Variants in NAALADL2 observed in about 807,000 individuals in gnomAD.
NAALADL2 encodes the protein inactive N-acetylated-alpha-linked acidic dipeptidase-like protein 2.
A neutral mutation model predicts 87.2 loss-of-function variants in NAALADL2; 76 were observed. The observed-to-expected ratio is 0.87, with a 90% CI of 0.72 to 1.05. NAALADL2 has a LOEUF of 1.05. Among genes scored for constraint, NAALADL2 ranks in the 50% least tolerant of loss-of-function variants. The probability of loss-of-function intolerance (pLI) is 0.00; values close to 1 mark genes in which losing one functional copy is unlikely to be tolerated. For synonymous variants in NAALADL2, 354 were observed against 331.0 expected (o/e 1.07, Z -0.75); for missense variants, 1,089 against 945.8 (o/e 1.15, Z -1.99).
intron 13 of NAALADL2, among the ~76,000 whole-genome samples, chr3:175,794,390 A>T (rs1753200897): frequency 6.6e-6 from 1 of 152,226 alleles, no homozygotes; most frequent in South Asian, 2.1e-4. Context: ...TGTGGAAAAA[A>T]AAAAAGTAGT....
intron 3 of NAALADL2, among the ~76,000 whole-genome samples, chr3:174,771,211 T>G (rs1714509162): frequency 6.6e-6 from 1 of 152,172 alleles, no homozygotes; most frequent in Non-Finnish European, 1.5e-5. Flanking sequence ...GCATCTGATC[T>G]CTAATGGAAG....
At chr3:175,468,709 G>C (rs1237535251) in intron 8 of NAALADL2, among the ~76,000 whole-genome samples, 1 of 151,878 alleles carries the variant, frequency 6.6e-6, no homozygotes, top group Admixed American at 6.6e-5. Context: ...TTTTAGAATA[G>C]ACTAGGCTTG....
At chr3:175,206,772 G>A (rs1740989055) in intron 2 of NAALADL2, among the ~76,000 whole-genome samples, 1 of 152,144 alleles carries the variant, frequency 6.6e-6, no homozygotes, top group East Asian at 1.9e-4. Context: ...TGGCAGCACA[G>A]AGTAGAGGGG....
rs3040106 is a variant in NAALADL2 at position 174,819,058 on chromosome 3, C to CTTTTTTTTTTTTTTT, written c.-9+81326_-9+81340dup. 2.3e-3 allele frequency among the ~76,000 whole-genome samples: 107 copies of CTTTTTTTTTTTTTTT among 47,542 alleles called. 21 individuals are homozygous for CTTTTTTTTTTTTTTT. Among genetic ancestry groups the CTTTTTTTTTTTTTTT allele is most frequent in the East Asian group, 3.6e-3 (5 of 1,378 alleles). The allele number at this position is 47,542 out of a possible 152,430, so 31.2% of individuals were successfully genotyped here. ...GAATTTCTTTATTATACCATTTATTCTTTTTTTTTTTTTTTTTTTTTTTTT... is the reference window on the plus strand; with the variant it reads ...GAATTTCTTTATTATACCATTTATTCTTTTTTTTTTTTTTTTTTTTTTTTTTTTTTTTTTTTTTTT... On this transcript the variant is annotated intron_variant, in intron 3 of 3. Transcript: ENST00000434257.
At chr3:175,319,515 T>G (rs1004651465) in intron 4 of NAALADL2, among the ~76,000 whole-genome samples, 15 of 152,286 alleles carry the variant, frequency 9.8e-5, no homozygotes, top group African/African-American at 3.4e-4. Context: ...TTCTCAGGGC[T>G]CTCCTTTCTT....
At chr3:174,501,586 C>A (rs1718901054) in intron 1 of NAALADL2, among the ~76,000 whole-genome samples, 1 of 152,092 alleles carries the variant, frequency 6.6e-6, no homozygotes, top group South Asian at 2.1e-4. Flanking sequence ...AGGTATAGGA[C>A]AACAAATGGC....
At chr3:175,451,372 T>G (rs1721552017) in intron 6 of NAALADL2, among the ~76,000 whole-genome samples, 1 of 152,038 alleles carries the variant, frequency 6.6e-6, no homozygotes, top group South Asian at 2.1e-4. Context: ...ATGAAAAAAG[T>G]TCCTCCTTAA....
intron 1 of NAALADL2, among the ~76,000 whole-genome samples, chr3:174,970,290 A>T (rs1045912821): frequency 6.6e-6 from 1 of 152,224 alleles, no homozygotes; most frequent in Non-Finnish European, 1.5e-5. Flanking sequence ...CATACATGTG[A>T]AAATAAAATC....
chr3:174,549,160 C>T (rs575715795), intron 1 of NAALADL2, among the ~76,000 whole-genome samples: 1 of 152,280 alleles, frequency 6.6e-6, no homozygotes, highest in Admixed American at 6.5e-5. Flanking sequence ...ATGTTTTAAA[C>T]TTATGTATTT....
chr3:175,401,275 T>C (rs16825627), intron 5 of NAALADL2, among the ~76,000 whole-genome samples: 2,722 of 152,238 alleles, frequency 0.018, 88 homozygotes, highest in African/African-American at 0.062. Context: ...ATGGAAAGTT[T>C]TGCTTTGAAT....
intron 1 of NAALADL2, among the ~76,000 whole-genome samples, chr3:174,940,530 G>C (rs531355791): frequency 2.6e-5 from 4 of 152,222 alleles, no homozygotes; most frequent in African/African-American, 9.6e-5. Context: ...CTCATAGACT[G>C]AGTTATAGAG....
In NAALADL2 at chr3:174,590,148, G is replaced by A. The variant is rs781121276; in HGVS notation, c.-115+39511G>A. On this transcript the variant is annotated intron_variant, in intron 2 of 3. Transcript: ENST00000434257. ...CTCTTTTTCGTGGTCCTTCTCAATT[G>A]ATCAGTCAGAACCATAGATTTTTTT... 5.5e-4 allele frequency among the ~76,000 whole-genome samples: 83 copies of A among 151,576 alleles called. 2 individuals carry two copies. The highest frequency in any genetic ancestry group is 5.6e-4 in the Non-Finnish European group (38 of 67,924).
Position 175,407,924 on chromosome 3 carries a change from A to G in NAALADL2, c.1091-39305A>G, listed in dbSNP as rs367718824. Among the ~76,000 whole-genome samples, 3 of 152,338 alleles carry G rather than the reference A, an allele frequency of 2.0e-5. No homozygotes were observed. In the South Asian group the frequency reaches 6.2e-4, roughly 32 times the overall value. On this transcript the variant is annotated intron_variant, in intron 5 of 13. Coordinates refer to ENST00000454872, the MANE Select transcript of NAALADL2 (RefSeq NM_207015.3). ...AAAGGTATATTAGAAACTTCTTATT[A>G]TAAGATGATATTTTTGTAATGGTCT...
chr3:174,574,397 GT>G (rs148584643), intron 2 of NAALADL2, among the ~76,000 whole-genome samples: 1 of 151,592 alleles, frequency 6.6e-6, no homozygotes, highest in Non-Finnish European at 1.5e-5. Flanking sequence ...AGATAGTTCT[GT>G]TTTTTTAAAG....
At chr3:175,766,692 G>A (rs1252570710) in intron 13 of NAALADL2, among the ~76,000 whole-genome samples, 1 of 151,982 alleles carries the variant, frequency 6.6e-6, no homozygotes, top group African/African-American at 2.4e-5. Flanking sequence ...GATTTAATAT[G>A]ATCCAAAGAG....
At chr3:174,869,641 G>C (rs1418619672) in intron 1 of NAALADL2, among the ~76,000 whole-genome samples, 1 of 152,062 alleles carries the variant, frequency 6.6e-6, no homozygotes, top group Non-Finnish European at 1.5e-5. Context: ...GTGGAGTGTT[G>C]AATCCATGAA....
chr3:174,515,395 G>T (rs1719882057), intron 1 of NAALADL2, among the ~76,000 whole-genome samples: 1 of 152,032 alleles, frequency 6.6e-6, no homozygotes, highest in Admixed American at 6.5e-5. Flanking sequence ...CTTCCTTGAG[G>T]ATAAAACGAA....
At chr3:174,563,234 ATATCTT>A (rs982484007) in intron 2 of NAALADL2, among the ~76,000 whole-genome samples, 79 of 151,896 alleles carry the variant, frequency 5.2e-4, no homozygotes, top group African/African-American at 1.8e-3. Flanking sequence ...TCTATTAAAT[ATATCTT>A]TAGCATGTTT....
chr3:174,686,498 T>TC (rs1361289687), intron 2 of NAALADL2, among the ~76,000 whole-genome samples: 6 of 151,892 alleles, frequency 4.0e-5, no homozygotes, highest in Non-Finnish European at 8.8e-5. Flanking sequence ...TTTTTTTTTT[T>TC]CCACATGATT....
Sources: gnomAD v4.1 joint callset for allele counts (sites outside exome capture counted in the v4.1 genomes callset) on GRCh38, gnomAD v4.1.1 for gene constraint, MANE v1.5 for transcripts, NCBI Gene and HGNC (gene_info 2026-07-23, HGNC 2026-07-21) for gene names.